LMO7: variants seen among roughly 807,000 people sequenced by gnomAD.
LMO7 encodes the protein LIM domain only protein 7.
In LMO7, 120 loss-of-function variants were observed where a neutral mutation model predicts 206.5. That is an observed-to-expected ratio of 0.58 (90% CI 0.50 to 0.68). The LOEUF is 0.68. Among genes scored for constraint, LMO7 ranks in the 30% least tolerant of loss-of-function variants. The pLI is 0.00. For synonymous variants in LMO7, 706 were observed against 681.5 expected (o/e 1.04, Z -0.56); for missense variants, 1,959 against 1,957.9 (o/e 1.00, Z -0.01).
chr13:75,839,856 T>C (rs2059432020), intron 20 of LMO7: 1 of 458,968 alleles, frequency 2.2e-6, no homozygotes. Flanking sequence ...GGGTTTATTT[T>C]GGCATCTGTA....
intron 1 of LMO7, among the ~76,000 whole-genome samples, chr13:75,648,333 A>G (rs560970168): frequency 9.2e-5 from 14 of 152,274 alleles, no homozygotes; most frequent in African/African-American, 3.1e-4. Context: ...TAATATATGT[A>G]TTTTTGCAGA....
intron 1 of LMO7, among the ~76,000 whole-genome samples, chr13:75,667,492 T>A (rs1399102190): frequency 1.3e-5 from 2 of 152,232 alleles, no homozygotes; most frequent in African/African-American, 2.4e-5. Flanking sequence ...TTTCTATTGA[T>A]CTGTCTTCAG....
At chr13:75,775,221 A>G (rs549763065) in intron 4 of LMO7, among the ~76,000 whole-genome samples, 1 of 152,094 alleles carries the variant, frequency 6.6e-6, no homozygotes, top group Non-Finnish European at 1.5e-5. Context: ...AGGGCACCCT[A>G]TTCAATAAAT....
chr13:75,801,345 A>T (rs2054707150), intron 7 of LMO7, among the ~76,000 whole-genome samples: 1 of 152,176 alleles, frequency 6.6e-6, no homozygotes, highest in Admixed American at 6.5e-5. Flanking sequence ...TTTTACAATT[A>T]TTTCTATAGA....
At chr13:75,666,832 T>C (rs975535365) in intron 1 of LMO7, among the ~76,000 whole-genome samples, 8 of 152,212 alleles carry the variant, frequency 5.3e-5, no homozygotes, top group African/African-American at 1.7e-4. Context: ...GGTCATCCTC[T>C]GAAATGTGAG....
chr13:75,854,621 G>T (rs952920693), intron 28 of LMO7, among the ~76,000 whole-genome samples: 15 of 152,146 alleles, frequency 9.9e-5, no homozygotes, highest in African/African-American at 3.4e-4. Flanking sequence ...GAGGAGAAAA[G>T]ACCTGTATAC....
chr13:75,647,687 G>A (rs538689869), intron 1 of LMO7, among the ~76,000 whole-genome samples: 1 of 145,072 alleles, frequency 6.9e-6, no homozygotes, highest in Admixed American at 7.5e-5. Flanking sequence ...GCTTTACCCT[G>A]TTTAGAAATA....
At chr13:75,665,826 C>A (rs1311630286) in intron 1 of LMO7, among the ~76,000 whole-genome samples, 1 of 152,216 alleles carries the variant, frequency 6.6e-6, no homozygotes, top group East Asian at 1.9e-4. Flanking sequence ...CACGCCTGGC[C>A]TCCCTGGTCT....
intron 1 of LMO7, among the ~76,000 whole-genome samples, chr13:75,672,847 T>C (rs1306382803): frequency 1.3e-5 from 2 of 152,248 alleles, no homozygotes; most frequent in African/African-American, 4.8e-5. Context: ...CTGTTAACTA[T>C]GTTCTCTTCC....
rs57976279 is a variant in LMO7, at chr13:75,751,149, CTTTTTTTTTTT to C, written c.211-9764_211-9754del. ...CATGTACTCAGCTCTTTTTTCAGCT[CTTTTTTTTTTT>C]TTTTTTTTTTTTTTTTTTGAGACAG... On this transcript the variant is annotated intron_variant, in intron 3 of 30. Transcript: ENST00000377534. Among the ~76,000 whole-genome samples the C allele has an allele frequency of 4.5e-4, 27 of 60,426 alleles. No individual in the cohort carries two copies. In the South Asian group the frequency reaches 6.9e-3, roughly 15 times the overall value. The allele number at this position is 60,426 out of a possible 152,430, so 39.6% of individuals were successfully genotyped here.
intron 1 of LMO7, among the ~76,000 whole-genome samples, chr13:75,707,944 T>C (rs559014732): frequency 1.6e-4 from 25 of 152,152 alleles, no homozygotes; most frequent in African/African-American, 6.0e-4. Context: ...TTATGGATAG[T>C]TGGGTTTTCT....
chr13:75,836,456 A>T lies in LMO7; in HGVS notation c.3393A>T (p.Lys1131Asn). Residue 1131 changes from lysine to asparagine, a missense_variant and splice_region_variant, in exon 19 of 31, where the codon AAA becomes AAT. Physicochemically the swap from Lys to Asn is moderately conservative, Grantham distance 94. Transcript: ENST00000377534. ...ATGAAAGCAATGCTTTTGAATCAAA[A>T]GGTAAATATCACCTTTATAACTTAC... ...IHDESNAFES[K>N]ASESISLKNL... The T allele has an allele frequency of 7.0e-7, 1 of 1,438,798 alleles. No homozygotes were observed. Among genetic ancestry groups the T allele is most frequent in the East Asian group, 2.4e-5 (1 of 42,210 alleles). 89.1% of individuals were successfully genotyped at this position (1,438,798 alleles called of 1,614,324 possible). A position where few individuals can be genotyped will look rare whatever the true frequency, so the allele number is the denominator to read the frequency against.
chr13:75,751,361 CA>C (rs2047261577), intron 3 of LMO7, among the ~76,000 whole-genome samples: 1 of 151,838 alleles, frequency 6.6e-6, no homozygotes, highest in African/African-American at 2.4e-5. Flanking sequence ...AGGGTTTCAC[CA>C]TGTTAGTTAG....
chr13:75,627,337 A>G (rs1049197519), intron 2 of LMO7: 6 of 152,192 alleles, frequency 3.9e-5, no homozygotes, highest in African/African-American at 1.4e-4. Context: ...ATGTGTTGTG[A>G]GGATGTTTAA....
In LMO7 at chr13:75,640,083, A is replaced by G. The variant is rs1371729071; in HGVS notation, c.69+3357A>G. ...TAATGGAAGTATTTTTAGTAATTAT[A>G]TATAATTTCAATCAACAGATATTAA... On this transcript the variant is annotated intron_variant, in intron 1 of 30. Coordinates refer to ENST00000377534, the MANE Select transcript of LMO7 (RefSeq NM_001306080.2). Among the ~76,000 whole-genome samples the G allele has an allele frequency of 5.6e-4, 6 of 10,728 alleles. No individual in the cohort carries two copies. In the Admixed American group the frequency reaches 6.6e-3, roughly 12 times the overall value. The allele number at this position is 10,728 out of a possible 152,430, so 7.0% of individuals were successfully genotyped here. A position where few individuals can be genotyped will look rare whatever the true frequency, so the allele number is the denominator to read the frequency against.
At chr13:75,751,210 G>GAGT (rs2047250008) in intron 3 of LMO7, among the ~76,000 whole-genome samples, 1 of 121,946 alleles carries the variant, frequency 8.2e-6, no homozygotes, top group Admixed American at 1.1e-4. Flanking sequence ...GCCCAGGCTG[G>GAGT]AGTTCAGCGG....
chr13:75,818,972 A>C (rs568312375), intron 12 of LMO7, among the ~76,000 whole-genome samples: 2 of 152,194 alleles, frequency 1.3e-5, no homozygotes, highest in African/African-American at 4.8e-5. Flanking sequence ...GAAAGAGACT[A>C]TGCATCTGCG....
intron 2 of LMO7, among the ~76,000 whole-genome samples, chr13:75,718,832 A>G (rs993805317): frequency 4.6e-5 from 7 of 152,190 alleles, no homozygotes; most frequent in South Asian, 4.1e-4. Context: ...GAAACCACCA[A>G]TCTTTACTGT....
chr13:75,814,155 T>C (rs2056747155), intron 11 of LMO7, among the ~76,000 whole-genome samples: 1 of 152,226 alleles, frequency 6.6e-6, no homozygotes, highest in African/African-American at 2.4e-5. Context: ...TTAATAGTCC[T>C]TAATAAATCC....
Sources: allele counts gnomAD v4.1 joint callset (sites outside exome capture counted in the v4.1 genomes callset), GRCh38; gene constraint gnomAD v4.1.1; transcripts MANE v1.5; gene names NCBI Gene and HGNC (gene_info 2026-07-23, HGNC 2026-07-21).